The following DNMT3B variants were observed in gnomAD, a reference collection of about 807,000 sequenced individuals.
DNMT3B encodes the protein DNA (cytosine-5)-methyltransferase 3B.
A neutral mutation model predicts 120.2 loss-of-function variants in DNMT3B; 37 were observed. The observed-to-expected ratio is 0.31, with a 90% CI of 0.24 to 0.40. The LOEUF (loss-of-function observed/expected upper bound fraction) is 0.40. Among genes scored for constraint, DNMT3B ranks in the 10% least tolerant of loss-of-function variants. The probability of loss-of-function intolerance (pLI) is 1.00; values close to 1 mark genes in which losing one functional copy is unlikely to be tolerated. For missense variants in DNMT3B, 878 were observed against 1,137.3 expected, an observed-to-expected ratio of 0.77 and a Z score of 3.28; for synonymous variants, 412 against 442.8, an observed-to-expected ratio of 0.93 and a Z score of 0.87.
intron 1 of DNMT3B, among the ~76,000 whole-genome samples, chr20:32,771,816 CAAA>C (rs1460029349): frequency 6.6e-6 from 1 of 152,058 alleles, no homozygotes; most frequent in Non-Finnish European, 1.5e-5. Context: ...TACAAATAAT[CAAA>C]TAATTATGTT....
Position 32,807,950 on chromosome 20 carries a change from C to A in DNMT3B, c.*47C>A, listed in dbSNP as rs1484586861. ...ACTGGGGTGTGTGGCAGAGCCAGGA[C>A]CCAGGAGGTGTGATTCCTGAAGGCA... On this transcript the variant is annotated 3_prime_UTR_variant, in exon 23 of 23. Transcript: ENST00000328111. The A allele has an allele frequency of 9.3e-6, 15 of 1,613,680 alleles. No homozygotes were observed. Among genetic ancestry groups the A allele is most frequent in the Non-Finnish European group, 1.2e-5 (14 of 1,179,764 alleles).
intron 1 of DNMT3B, among the ~76,000 whole-genome samples, chr20:32,779,548 A>ACC (rs1183011348): frequency 6.6e-6 from 1 of 152,184 alleles, no homozygotes; most frequent in Non-Finnish European, 1.5e-5. Flanking sequence ...GATTTACCTG[A>ACC]CCAGGAGGGG....
intron 1 of DNMT3B, among the ~76,000 whole-genome samples, chr20:32,771,469 T>C (rs1359469352): frequency 6.6e-6 from 1 of 151,826 alleles, no homozygotes; most frequent in African/African-American, 2.4e-5. Context: ...ACTGAAACCC[T>C]ATCTCTACTA....
At chr20:32,801,514 T>C in intron 19 of DNMT3B, 88 bp downstream of exon 19, 1 of 1,561,118 alleles carries the variant, frequency 6.4e-7, no homozygotes, top group South Asian at 1.1e-5. Context: ...GTTGCCAACA[T>C]TGGGAATGAC....
chr20:32,774,679 T>C (rs1452521110), intron 1 of DNMT3B, among the ~76,000 whole-genome samples: 1 of 151,876 alleles, frequency 6.6e-6, no homozygotes, highest in African/African-American at 2.4e-5. Context: ...CCTCCCGTCT[T>C]TTTGGGGTCT....
intron 1 of DNMT3B, among the ~76,000 whole-genome samples, chr20:32,778,900 C>T (rs1235280857): frequency 1.3e-5 from 2 of 152,162 alleles, no homozygotes; most frequent in African/African-American, 4.8e-5. Context: ...CACGCCACTG[C>T]ACTCCAGCCT....
rs182331972 is a variant in DNMT3B, at chr20:32,794,284, A to G, written c.1126+689A>G. On this transcript the variant is annotated intron_variant, in intron 10 of 22. Transcript: ENST00000328111. ...ACCTGAGCCCAGGAAGTCAGGCTGC[A>G]GTTTGCTAAGATCATGCCACTGCAC... Among the ~76,000 whole-genome samples the G allele has an allele frequency of 6.5e-5, 9 of 138,364 alleles. No individual in the cohort carries two copies. The East Asian group carries it at 2.0e-3, about 30-fold the overall frequency. The allele number at this position is 138,364 out of a possible 152,430, so 90.8% of individuals were successfully genotyped here.
intron 1 of DNMT3B, among the ~76,000 whole-genome samples, chr20:32,779,093 G>A (rs901380970): frequency 1.3e-5 from 2 of 152,198 alleles, no homozygotes; most frequent in African/African-American, 4.8e-5. Flanking sequence ...AGCTTATTGG[G>A]GAAGCTTTTC....
At position 32,762,408 on chromosome 20, in the gene DNMT3B, G is replaced by GA. The variant is rs1237143817; in HGVS notation, c.-298_-297insA. 3 of 155,408 alleles carry GA rather than the reference G, an allele frequency of 1.9e-5. No individual in the cohort carries two copies. In the East Asian group the frequency reaches 5.7e-4, roughly 30 times the overall value. 9.6% of individuals were successfully genotyped at this position (155,408 alleles called of 1,614,324 possible). A position where few individuals can be genotyped will look rare whatever the true frequency, so the allele number is the denominator to read the frequency against. ...CCACCCACTCCCGCTGCCCCGTCCG[G>GA]CCCGCGCCGCTTCCTCGCAGCAGCT... On this transcript the variant is annotated 5_prime_UTR_variant, in exon 1 of 23. Coordinates refer to ENST00000328111, the MANE Select transcript of DNMT3B (RefSeq NM_006892.4).
intron 1 of DNMT3B, among the ~76,000 whole-genome samples, chr20:32,774,674 C>A (rs1056012991): frequency 6.6e-6 from 1 of 151,766 alleles, no homozygotes; most frequent in Non-Finnish European, 1.5e-5. Flanking sequence ...CCCATCCTCC[C>A]GTCTTTTTGG....
rs1177047202 is a variant in DNMT3B at position 32,795,702 on chromosome 20, T to C, written c.1297+8T>C. The C allele has an allele frequency of 3.1e-6, 5 of 1,613,926 alleles. No individual in the cohort carries two copies. The highest frequency in any genetic ancestry group is 4.2e-6 in the Non-Finnish European group (5 of 1,180,042). On this transcript the variant is annotated splice_region_variant and intron_variant, in intron 12 of 22. Transcript: ENST00000328111. ...ACAAGAGCAGCCTGGAAGGTAACGT[T>C]CTCTCCCTCCCAGTCATCCCCCTCA...
chr20:32,791,874 A>C (rs1980005871), intron 8 of DNMT3B, among the ~76,000 whole-genome samples, 166 bp downstream of exon 8: 1 of 152,228 alleles, frequency 6.6e-6, no homozygotes, highest in Non-Finnish European at 1.5e-5. Flanking sequence ...TGGGCCTCCC[A>C]ACAAAGGGAT....
At position 32,809,249 on chromosome 20, in the gene DNMT3B, T is replaced by C. The variant is rs981760099; in HGVS notation, c.*1346T>C. 8.2e-5 allele frequency: 18 copies of C among 219,514 alleles called. No individual in the cohort carries two copies. The highest frequency in any genetic ancestry group is 7.5e-4 in the Admixed American group (13 of 17,276). 13.6% of individuals were successfully genotyped at this position (219,514 alleles called of 1,614,324 possible). A position where few individuals can be genotyped will look rare whatever the true frequency, so the allele number is the denominator to read the frequency against. ...AACTGGAGCCACGACGTAACAAATA[T>C]GGGGAAAAAACTGTGCCTTGTTTCA... On this transcript the variant is annotated 3_prime_UTR_variant, in exon 23 of 23. Coordinates refer to ENST00000328111, the MANE Select transcript of DNMT3B (RefSeq NM_006892.4).
At position 32,780,346 on chromosome 20, in the gene DNMT3B, T is replaced by C; in HGVS notation, c.23T>C (p.Leu8Pro). The C allele has an allele frequency of 6.2e-7, 1 of 1,613,918 alleles. No homozygotes were observed. Among genetic ancestry groups the C allele is most frequent in the Non-Finnish European group, 8.5e-7 (1 of 1,180,000 alleles). The change falls in exon 2 of 23, where the codon CTC (leucine) becomes CCC (proline). Residue 8 changes from leucine (L) to proline (P), a missense_variant. Leu to Pro is a moderately conservative substitution (Grantham distance 98). This residue lies in a region of DNMT3B where 287 missense variants were observed against 306.2 expected (regional missense o/e 0.94). Transcript: ENST00000328111. Reference sequence around the variant, plus strand: ...AGCATGAAGGGAGACACCAGGCATCTCAATGGAGAGGAGGACGCCGGCGGG... The same window carrying C: ...AGCATGAAGGGAGACACCAGGCATCCCAATGGAGAGGAGGACGCCGGCGGG... The part of the protein sequence containing the change: MKGDTRH[L>P]NGEEDAGGRE...
rs755175376 is a variant in DNMT3B, at chr20:32,800,147, C to T, written c.1760-6C>T. ...TTATGCTTCTGTGTCTCTCTGGCCC[C>T]CACAGGCTACCTAGTCCTCAAAGAG... is the stretch of plus-strand genomic sequence containing the variant. On this transcript the variant is annotated splice_polypyrimidine_tract_variant and splice_region_variant and intron_variant, in intron 16 of 22. Coordinates refer to ENST00000328111, the MANE Select transcript of DNMT3B (RefSeq NM_006892.4). 9 of 1,614,052 alleles carry T rather than the reference C, an allele frequency of 5.6e-6. No homozygotes were observed. Among genetic ancestry groups the T allele is most frequent in the Non-Finnish European group, 7.6e-6 (9 of 1,180,048 alleles).
At chr20:32,807,161 C>T (rs953771589) in intron 22 of DNMT3B, among the ~76,000 whole-genome samples, 5 of 152,206 alleles carry the variant, frequency 3.3e-5, no homozygotes, top group African/African-American at 1.2e-4. Flanking sequence ...GAATAACCCA[C>T]GCAGCCATTG....
intron 1 of DNMT3B, among the ~76,000 whole-genome samples, chr20:32,777,115 C>T (rs930421283): frequency 4.6e-5 from 7 of 152,120 alleles, no homozygotes; most frequent in Admixed American, 2.0e-4. Context: ...AATTATGCAA[C>T]GAGAAGAAAG....
At chr20:32,787,814 A>C (rs1427857820) in intron 6 of DNMT3B, among the ~76,000 whole-genome samples, 1 of 152,146 alleles carries the variant, frequency 6.6e-6, no homozygotes, top group Non-Finnish European at 1.5e-5. Context: ...ACCTGAGTGC[A>C]GGTGGGCTGA....
chr20:32,803,431 C>T (rs1172843034), intron 20 of DNMT3B, among the ~76,000 whole-genome samples: 1 of 152,146 alleles, frequency 6.6e-6, no homozygotes, highest in Non-Finnish European at 1.5e-5. Context: ...GGTCACCTTG[C>T]CCGTGTACTT....
Sources: allele counts gnomAD v4.1 joint callset (sites outside exome capture counted in the v4.1 genomes callset), GRCh38; gene constraint gnomAD v4.1.1; regional missense constraint gnomAD v4.1.1; transcripts MANE v1.5; gene names NCBI Gene and HGNC (gene_info 2026-07-23, HGNC 2026-07-21).